CAMKMT: variants seen among roughly 807,000 people sequenced by gnomAD.
CAMKMT encodes calmodulin-lysine N-methyltransferase.
Under a neutral mutation model 48.0 loss-of-function variants are expected in CAMKMT, and 53 were observed. That is an observed-to-expected ratio of 1.10 (90% CI 0.89 to 1.39). The LOEUF (loss-of-function observed/expected upper bound fraction) is 1.39. Ranked by LOEUF, CAMKMT falls within the 40% of genes most tolerant of loss-of-function variation. CAMKMT has a pLI of 0.00. For missense variants in CAMKMT, 428 were observed against 402.7 expected (o/e 1.06, Z -0.54); for synonymous variants, 165 against 152.3 (o/e 1.08, Z -0.61).
At chr2:44,532,500 G>C (rs181332172) in intron 3 of CAMKMT, among the ~76,000 whole-genome samples, 1 of 152,178 alleles carries the variant, frequency 6.6e-6, no homozygotes, top group Non-Finnish European at 1.5e-5. Context: ...ACTATAGTCA[G>C]CTTCTGTATT....
chr2:44,443,795 A>C (rs1666816810), intron 3 of CAMKMT, among the ~76,000 whole-genome samples: 1 of 152,214 alleles, frequency 6.6e-6, no homozygotes, highest in Non-Finnish European at 1.5e-5. Context: ...TATGTTGTGC[A>C]GCTCTGCGAA....
chr2:44,627,296 A>G (rs1370351751), intron 3 of CAMKMT, among the ~76,000 whole-genome samples: 2 of 152,150 alleles, frequency 1.3e-5, no homozygotes, highest in African/African-American at 4.8e-5. Context: ...GATTTTATTA[A>G]GGGTGGTGTC....
chr2:44,551,397 G>C (rs989392134), intron 3 of CAMKMT, among the ~76,000 whole-genome samples: 1 of 152,176 alleles, frequency 6.6e-6, no homozygotes, highest in Non-Finnish European at 1.5e-5. Context: ...GGAATTGTGC[G>C]TGTTGCCCTT....
chr2:44,692,277 T>G (rs569955152), intron 3 of CAMKMT, among the ~76,000 whole-genome samples: 29 of 152,240 alleles, frequency 1.9e-4, no homozygotes, highest in Middle Eastern at 3.4e-3. Flanking sequence ...AAAATTACTC[T>G]ATGTTAGGCA....
intron 3 of CAMKMT, among the ~76,000 whole-genome samples, chr2:44,517,134 TTAA>T (rs1670871614): frequency 6.6e-6 from 1 of 152,184 alleles, no homozygotes; most frequent in African/African-American, 2.4e-5. Context: ...AAATTTCTGA[TTAA>T]TATTTCCTTT....
intron 3 of CAMKMT, among the ~76,000 whole-genome samples, chr2:44,610,062 C>T (rs1415628310): frequency 6.6e-6 from 1 of 152,078 alleles, no homozygotes; most frequent in Non-Finnish European, 1.5e-5. Context: ...ACCTCTTTTT[C>T]CCCACTAAGG....
chr2:44,397,747 T>C (rs1206456821), intron 3 of CAMKMT, among the ~76,000 whole-genome samples: 1 of 152,202 alleles, frequency 6.6e-6, no homozygotes, highest in African/African-American at 2.4e-5. Flanking sequence ...CTCTTTTTAA[T>C]GTATTTTAAA....
At chr2:44,719,409 T>C (rs1185309367) in intron 7 of CAMKMT, among the ~76,000 whole-genome samples, 5 of 152,208 alleles carry the variant, frequency 3.3e-5, no homozygotes, top group African/African-American at 1.2e-4. Flanking sequence ...TTGACCACCT[T>C]CTGTTTGCCA....
chr2:44,631,432 A>G, intron 3 of CAMKMT: 2 of 567,236 alleles, frequency 3.5e-6, no homozygotes, highest in Admixed American at 6.3e-5. Context: ...AAAGAAAGGA[A>G]ATACAAATCA....
At chr2:44,461,549 T>C (rs1338213945) in intron 3 of CAMKMT, among the ~76,000 whole-genome samples, 1 of 152,236 alleles carries the variant, frequency 6.6e-6, no homozygotes, top group Admixed American at 6.5e-5. Context: ...ATTGCTACTT[T>C]AGAATGCAAG....
intron 3 of CAMKMT, among the ~76,000 whole-genome samples, chr2:44,487,259 T>C (rs896842144): frequency 6.6e-6 from 1 of 152,210 alleles, no homozygotes; most frequent in African/African-American, 2.4e-5. Context: ...AATCAGCTTT[T>C]TTTTTTCTGA....
chr2:44,534,284 G>A (rs1294442789), intron 3 of CAMKMT, among the ~76,000 whole-genome samples: 4 of 152,092 alleles, frequency 2.6e-5, no homozygotes, highest in Non-Finnish European at 4.4e-5. Flanking sequence ...TGGGAATTCA[G>A]TATTCCACTC....
intron 3 of CAMKMT, among the ~76,000 whole-genome samples, chr2:44,448,702 A>G (rs918946647): frequency 6.6e-6 from 1 of 152,172 alleles, no homozygotes; most frequent in African/African-American, 2.4e-5. Flanking sequence ...ACTAATGATT[A>G]TGTATATGCG....
At chr2:44,410,551 T>C (rs1004129552) in intron 3 of CAMKMT, among the ~76,000 whole-genome samples, 10 of 151,948 alleles carry the variant, frequency 6.6e-5, no homozygotes, top group African/African-American at 2.4e-4. Context: ...ATCTTAAAAT[T>C]GAGAGGTACA....
intron 7 of CAMKMT, among the ~76,000 whole-genome samples, chr2:44,729,024 A>T (rs11897062): frequency 0.047 from 6,792 of 144,194 alleles, 185 homozygotes; most frequent in African/African-American, 0.068. Flanking sequence ...TTGTTTTTTT[A>T]AAAAAAAAAA....
chr2:44,698,991 C>T (rs1046950359), intron 3 of CAMKMT, among the ~76,000 whole-genome samples: 4 of 152,184 alleles, frequency 2.6e-5, no homozygotes, highest in African/African-American at 9.6e-5. Context: ...TAAGAAGGAA[C>T]TCCTCATCCT....
intron 7 of CAMKMT, among the ~76,000 whole-genome samples, chr2:44,733,670 G>T (rs1374919256): frequency 6.6e-6 from 1 of 152,068 alleles, no homozygotes; most frequent in Non-Finnish European, 1.5e-5. Context: ...TTTGTCAGAA[G>T]CATTTTCTGC....
chr2:44,526,147 CCT>C (rs1671394308), intron 3 of CAMKMT, among the ~76,000 whole-genome samples: 1 of 150,518 alleles, frequency 6.6e-6, no homozygotes, highest in Non-Finnish European at 1.5e-5. Flanking sequence ...GGACAAAAAA[CCT>C]CTTTCCCAAG....
At chr2:44,536,693 C>G (rs1402603996) in intron 3 of CAMKMT, among the ~76,000 whole-genome samples, 1 of 152,004 alleles carries the variant, frequency 6.6e-6, no homozygotes, top group South Asian at 2.1e-4. Flanking sequence ...CAAAAAAGAG[C>G]CTGAATAGGC....
Sources: gnomAD v4.1 joint callset for allele counts (sites outside exome capture counted in the v4.1 genomes callset) on GRCh38, gnomAD v4.1.1 for gene constraint, MANE v1.5 for transcripts, NCBI Gene and HGNC (gene_info 2026-07-23, HGNC 2026-07-21) for gene names.